The following AK5 variants were observed in gnomAD, a reference collection of about 807,000 sequenced individuals.
The protein encoded by AK5 is adenylate kinase isoenzyme 5.
AK5 carries 27 observed loss-of-function variants against 69.5 expected under a neutral mutation model. The ratio of observed to expected loss-of-function variants is 0.39; its 90% CI spans 0.29 to 0.54. The LOEUF (loss-of-function observed/expected upper bound fraction) is 0.54, where lower values mean the gene tolerates loss of function less well. Among genes scored for constraint, AK5 ranks in the 20% least tolerant of loss-of-function variants. The pLI, the probability that AK5 is intolerant of heterozygous loss-of-function variation, is 0.71. For synonymous variants in AK5, 260 were observed against 244.4 expected (o/e 1.06, Z -0.60); for missense variants, 531 against 700.4 (o/e 0.76, Z 2.73).
At chr1:77,309,015 G>A (rs1433475672) in intron 5 of AK5, among the ~76,000 whole-genome samples, 1 of 151,200 alleles carries the variant, frequency 6.6e-6, no homozygotes, top group South Asian at 2.1e-4. Flanking sequence ...CTTATAAGTG[G>A]GAGCAGAACA....
At chr1:77,552,795 TG>T (rs1286827943) in intron 13 of AK5, among the ~76,000 whole-genome samples, 1 of 152,158 alleles carries the variant, frequency 6.6e-6, no homozygotes, top group Non-Finnish European at 1.5e-5. Flanking sequence ...TTCAGCACTT[TG>T]GGAGGCTGAG....
intron 10 of AK5, among the ~76,000 whole-genome samples, chr1:77,487,639 C>G (rs900734694): frequency 6.6e-6 from 1 of 152,194 alleles, no homozygotes; most frequent in Admixed American, 6.5e-5. Context: ...GTAAAGTTCT[C>G]TCATTGTTAG....
intron 8 of AK5, among the ~76,000 whole-genome samples, chr1:77,465,061 T>C (rs1654060368): frequency 6.6e-6 from 1 of 152,312 alleles, no homozygotes; most frequent in South Asian, 2.1e-4. Context: ...CTTCTCACTG[T>C]GCTTGCCCTC....
intron 10 of AK5, among the ~76,000 whole-genome samples, chr1:77,487,790 T>C (rs1655694888): frequency 6.6e-6 from 1 of 152,232 alleles, no homozygotes; most frequent in Non-Finnish European, 1.5e-5. Flanking sequence ...TTGTGTTGGT[T>C]GTTAACCTGA....
intron 10 of AK5, among the ~76,000 whole-genome samples, chr1:77,501,846 GCACTGCACAACAT>G (rs1656740540): frequency 6.6e-6 from 1 of 152,150 alleles, no homozygotes; most frequent in Admixed American, 6.5e-5. Flanking sequence ...ATCAGCCCCA[GCACTGCACAACAT>G]CACTAGATAG....
intron 8 of AK5, among the ~76,000 whole-genome samples, chr1:77,461,747 G>T (rs927345160): frequency 6.6e-6 from 1 of 150,702 alleles, no homozygotes; most frequent in Admixed American, 6.6e-5. Context: ...TCCAACCTGG[G>T]CAACAGGGCA....
In AK5 at chr1:77,559,666, T is replaced by G. The variant is rs1452926046; in HGVS notation, c.*996T>G. ...TTCATATGGGCCCTTTCCAGGAGTT[T>G]GCAAACCTTGTCATACCCATATGCA... On this transcript the variant is annotated 3_prime_UTR_variant, in exon 14 of 14. Coordinates refer to ENST00000354567, the MANE Select transcript of AK5 (RefSeq NM_174858.3). 1 of 152,208 alleles carries G rather than the reference T, an allele frequency of 6.6e-6. No homozygotes were observed. Among genetic ancestry groups the G allele is most frequent in the East Asian group, 1.9e-4 (1 of 5,196 alleles). 9.4% of individuals were successfully genotyped at this position (152,208 alleles called of 1,614,324 possible). A position where few individuals can be genotyped will look rare whatever the true frequency, so the allele number is the denominator to read the frequency against.
chr1:77,547,226 A>G lies in AK5; in HGVS notation c.1620+11188A>G, dbSNP rs147274567. On this transcript the variant is annotated intron_variant, in intron 13 of 13. Transcript: ENST00000354567. ...ATATTTTATTTAACTATTTAACCTA[A>G]TATATCCTAAGTATCATTTCAACAT... Among the ~76,000 whole-genome samples, 215 of 152,072 alleles carry G rather than the reference A, an allele frequency of 1.4e-3. 1 individual carries two copies. Among genetic ancestry groups the G allele is most frequent in the African/African-American group, 4.8e-3 (201 of 41,514 alleles).
At chr1:77,435,162 C>G (rs1651880117) in intron 8 of AK5, among the ~76,000 whole-genome samples, 1 of 152,110 alleles carries the variant, frequency 6.6e-6, no homozygotes, top group Non-Finnish European at 1.5e-5. Context: ...TGTATCCTCT[C>G]AAGGAGGGAC....
At chr1:77,467,481 A>G (rs1458130242) in intron 8 of AK5, among the ~76,000 whole-genome samples, 1 of 152,260 alleles carries the variant, frequency 6.6e-6, no homozygotes, top group Non-Finnish European at 1.5e-5. Flanking sequence ...TGCCTTTGTG[A>G]AGCTGATGTT....
At chr1:77,353,513 TGCCAG>T (rs1662327821) in intron 6 of AK5, among the ~76,000 whole-genome samples, 1 of 152,134 alleles carries the variant, frequency 6.6e-6, no homozygotes, top group South Asian at 2.1e-4. Context: ...GCCTTGTGTG[TGCCAG>T]GTGTTTCTAT....
intron 6 of AK5, among the ~76,000 whole-genome samples, chr1:77,342,435 A>G (rs1045207147): frequency 3.3e-5 from 5 of 152,172 alleles, no homozygotes; most frequent in Non-Finnish European, 5.9e-5. Context: ...TGGAGGTGAA[A>G]TGCCATTGCC....
At chr1:77,547,106 A>G (rs1159215520) in intron 13 of AK5, among the ~76,000 whole-genome samples, 1 of 152,246 alleles carries the variant, frequency 6.6e-6, no homozygotes, top group Non-Finnish European at 1.5e-5. Context: ...AGCACTGTCA[A>G]AAGAAATAGA....
chr1:77,337,857 G>A (rs1661442961), intron 5 of AK5, among the ~76,000 whole-genome samples: 1 of 152,094 alleles, frequency 6.6e-6, no homozygotes, highest in South Asian at 2.1e-4. Flanking sequence ...ACTCAGTATT[G>A]TCTGATTCTA....
chr1:77,372,214 T>C (rs1484170870), intron 6 of AK5, among the ~76,000 whole-genome samples: 1 of 152,134 alleles, frequency 6.6e-6, no homozygotes, highest in Non-Finnish European at 1.5e-5. Flanking sequence ...TTACAGTGAA[T>C]TTTAGAAAAG....
At chr1:77,462,303 AGATGGATG>A (rs56413918) in intron 8 of AK5, among the ~76,000 whole-genome samples, 7,072 of 149,962 alleles carry the variant, frequency 0.047, 416 homozygotes, top group East Asian at 0.18. Context: ...TTTGTTGGAT[AGATGGATG>A]GATGGATGGA....
chr1:77,294,069 A>C (rs912502747), intron 3 of AK5, 109 bp downstream of exon 3: 1 of 949,326 alleles, frequency 1.1e-6, no homozygotes, highest in African/African-American at 1.7e-5. Context: ...AATGACAAGC[A>C]ATAGAAACAA....
rs1648438286 is a variant in AK5, at chr1:77,391,439, ACATATATGTGTG to A, written c.892-19541_892-19530del. On this transcript the variant is annotated intron_variant, in intron 6 of 13. Transcript: ENST00000354567. ...TATATATGTATATATATACATATAT[ACATATATGTGTG>A]TGTATATATATATACACATATGTGT... Among the ~76,000 whole-genome samples the A allele has an allele frequency of 2.3e-4, 23 of 102,152 alleles. No homozygotes were observed. In the Admixed American group the frequency reaches 2.6e-3, roughly 12 times the overall value. 67.0% of individuals were successfully genotyped at this position (102,152 alleles called of 152,430 possible).
chr1:77,331,828 T>C (rs527698025), intron 5 of AK5, among the ~76,000 whole-genome samples: 44 of 152,234 alleles, frequency 2.9e-4, no homozygotes, highest in Non-Finnish European at 5.7e-4. Context: ...TCTATGGTTT[T>C]GTTTTTGTGA....
Sources: gnomAD v4.1 joint callset for allele counts (sites outside exome capture counted in the v4.1 genomes callset) on GRCh38, gnomAD v4.1.1 for gene constraint, MANE v1.5 for transcripts, NCBI Gene and HGNC (gene_info 2026-07-23, HGNC 2026-07-21) for gene names.